Variants in FARS2 observed in about 807,000 individuals in gnomAD.
FARS2 encodes the protein phenylalanyl-tRNA synthetase 2, mitochondrial.
In FARS2, 40 loss-of-function variants were observed where a neutral mutation model predicts 46.4. The observed-to-expected ratio is 0.86, with a 90% confidence interval of 0.67 to 1.12. The LOEUF (loss-of-function observed/expected upper bound fraction) is 1.12, where lower values mean the gene tolerates loss of function less well. Ranked by LOEUF, FARS2 falls within the 50% of genes most tolerant of loss-of-function variation. The probability of loss-of-function intolerance (pLI) is 0.00; values close to 1 mark genes in which losing one functional copy is unlikely to be tolerated. For missense variants in FARS2, 513 were observed against 567.9 expected, an observed-to-expected ratio of 0.90 and a Z score of 0.98; for synonymous variants, 234 against 214.9, an observed-to-expected ratio of 1.09 and a Z score of -0.78.
Position 5,720,328 on chromosome 6 carries a change from G to A in FARS2, c.1218-50963G>A, listed in dbSNP as rs76179210. ...TTCATCTAAGTAGCGCTACTCAAAC[G>A]TGTATGAGCCCTAGTTAAAGCATTA... On this transcript the variant is annotated intron_variant, in intron 6 of 6. Transcript: ENST00000274680. Among the ~76,000 whole-genome samples the A allele has an allele frequency of 1.1e-3, 167 of 152,300 alleles. 3 individuals carry two copies. In the East Asian group the frequency reaches 0.027, roughly 25 times the overall value.
chr6:5,704,334 C>T (rs1758614732), intron 6 of FARS2, among the ~76,000 whole-genome samples: 1 of 152,204 alleles, frequency 6.6e-6, no homozygotes, highest in Non-Finnish European at 1.5e-5. Context: ...TTCATAAGGG[C>T]TCTGCCCTCC....
intron 6 of FARS2, among the ~76,000 whole-genome samples, chr6:5,614,728 T>C (rs145435741): frequency 2.6e-4 from 39 of 152,326 alleles, no homozygotes; most frequent in Admixed American, 5.9e-4. Flanking sequence ...GCATTCATTC[T>C]CTAGATAAAG....
chr6:5,453,159 C>A (rs1445507620), intron 4 of FARS2, among the ~76,000 whole-genome samples: 1 of 152,158 alleles, frequency 6.6e-6, no homozygotes, highest in Non-Finnish European at 1.5e-5. Flanking sequence ...ACAAATTTAA[C>A]TGCAACATCG....
intron 6 of FARS2, among the ~76,000 whole-genome samples, chr6:5,755,755 G>A (rs1762171085): frequency 6.6e-6 from 1 of 152,120 alleles, no homozygotes; most frequent in South Asian, 2.1e-4. Flanking sequence ...AATCCCCTGT[G>A]GCCAGCCTTT....
chr6:5,748,159 C>T (rs1761743260), intron 6 of FARS2, among the ~76,000 whole-genome samples: 1 of 152,208 alleles, frequency 6.6e-6, no homozygotes, highest in African/African-American at 2.4e-5. Context: ...CCATCACTAT[C>T]CCTGCTGTGG....
chr6:5,377,289 G>C (rs971050803), intron 2 of FARS2, among the ~76,000 whole-genome samples: 1 of 152,222 alleles, frequency 6.6e-6, no homozygotes, highest in Non-Finnish European at 1.5e-5. Context: ...ACACTTGTGT[G>C]TGGGCCCTGA....
intron 5 of FARS2, among the ~76,000 whole-genome samples, chr6:5,611,113 C>G (rs1450661541): frequency 6.6e-6 from 1 of 152,168 alleles, no homozygotes; most frequent in East Asian, 1.9e-4. Flanking sequence ...GGCAGTCTCT[C>G]AGGAAGACAG....
At chr6:5,550,320 G>A (rs913634189) in intron 5 of FARS2, among the ~76,000 whole-genome samples, 1 of 152,010 alleles carries the variant, frequency 6.6e-6, no homozygotes, top group African/African-American at 2.4e-5. Flanking sequence ...TCTTTCATCA[G>A]GCTGGAGCCC....
chr6:5,514,279 C>T (rs1768649232), intron 4 of FARS2, among the ~76,000 whole-genome samples: 1 of 152,070 alleles, frequency 6.6e-6, no homozygotes, highest in African/African-American at 2.4e-5. Flanking sequence ...TCCAAGTACA[C>T]ATTTCTAATG....
At chr6:5,714,500 C>T (rs1452743739) in intron 6 of FARS2, among the ~76,000 whole-genome samples, 2 of 152,174 alleles carry the variant, frequency 1.3e-5, no homozygotes, top group Non-Finnish European at 1.5e-5. Context: ...GCTACTCCTA[C>T]ATTTTCTTCT....
chr6:5,542,835 G>T (rs1048287560), intron 4 of FARS2, among the ~76,000 whole-genome samples: 3 of 152,008 alleles, frequency 2.0e-5, no homozygotes, highest in Non-Finnish European at 2.9e-5. Context: ...GACTTCTTTG[G>T]CTCATGTGTT....
At chr6:5,419,239 T>G (rs1762409030) in intron 3 of FARS2, among the ~76,000 whole-genome samples, 3 of 152,178 alleles carry the variant, frequency 2.0e-5, no homozygotes, top group African/African-American at 7.2e-5. Context: ...AAAACCAGAA[T>G]TTTTATGAAT....
chr6:5,569,571 A>T (rs574536652), intron 5 of FARS2, among the ~76,000 whole-genome samples: 54 of 152,270 alleles, frequency 3.5e-4, no homozygotes, highest in African/African-American at 1.2e-3. Flanking sequence ...TGGTGGTGGT[A>T]GTGGTCATTG....
At chr6:5,298,597 C>G (rs1425284774) in intron 1 of FARS2, among the ~76,000 whole-genome samples, 1 of 152,152 alleles carries the variant, frequency 6.6e-6, no homozygotes, top group Admixed American at 6.5e-5. Context: ...AACAATGATG[C>G]TAGAGTCTCA....
At chr6:5,544,416 A>G (rs1434590048) in intron 4 of FARS2, among the ~76,000 whole-genome samples, 2 of 20,732 alleles carry the variant, frequency 9.6e-5, no homozygotes, top group African/African-American at 7.7e-4. Context: ...TCCAGTTGGA[A>G]TTATATCCTT....
At chr6:5,613,673 G>C (rs1775309265) in intron 6 of FARS2, among the ~76,000 whole-genome samples, 1 of 152,190 alleles carries the variant, frequency 6.6e-6, no homozygotes. Context: ...AAGCTGTTTT[G>C]ATAGTCTCTC....
chr6:5,407,290 C>G (rs902248530), intron 3 of FARS2, among the ~76,000 whole-genome samples: 1 of 151,864 alleles, frequency 6.6e-6, no homozygotes, highest in Non-Finnish European at 1.5e-5. Context: ...GTTCTTGATT[C>G]ACCTCTATTT....
intron 6 of FARS2, among the ~76,000 whole-genome samples, chr6:5,638,440 C>T (rs923772818): frequency 6.6e-6 from 1 of 152,204 alleles, no homozygotes; most frequent in Non-Finnish European, 1.5e-5. Context: ...TGGCACGTGC[C>T]TGTAGTCCCA....
At chr6:5,532,783 T>TAATAAGAAGAAG (rs894517533) in intron 4 of FARS2, among the ~76,000 whole-genome samples, 6 of 138,668 alleles carry the variant, frequency 4.3e-5, no homozygotes, top group African/African-American at 1.8e-4. Flanking sequence ...ATAATAATAA[T>TAATAAGAAGAAG]AAGAAGAAGA....
Sources: gnomAD v4.1 joint callset for allele counts (sites outside exome capture counted in the v4.1 genomes callset) on GRCh38, gnomAD v4.1.1 for gene constraint, MANE v1.5 for transcripts, NCBI Gene and HGNC (gene_info 2026-07-23, HGNC 2026-07-21) for gene names.